CRTAP: variants seen among roughly 807,000 people sequenced by gnomAD.
CRTAP encodes the protein cartilage-associated protein.
Under a neutral mutation model 42.7 loss-of-function variants are expected in CRTAP, and 33 were observed. The observed-to-expected ratio is 0.77, with a 90% CI of 0.59 to 1.03. The LOEUF (loss-of-function observed/expected upper bound fraction) is 1.03, where lower values mean the gene tolerates loss of function less well. CRTAP is among the 50% of genes least tolerant of loss of function. CRTAP has a pLI of 0.00. For missense variants in CRTAP, 613 were observed against 533.9 expected (o/e 1.15, Z -1.46); for synonymous variants, 243 against 217.7 (o/e 1.12, Z -1.02).
intron 5 of CRTAP, among the ~76,000 whole-genome samples, chr3:33,132,904 C>T (rs1388663086): frequency 2.6e-5 from 4 of 152,044 alleles, no homozygotes; most frequent in Non-Finnish European, 2.9e-5. Context: ...ACGGTGAAAC[C>T]CCATCTCTAC....
chr3:33,129,772 T>C (rs1390414928), intron 3 of CRTAP, among the ~76,000 whole-genome samples, 167 bp from the exon 4 acceptor site: 3 of 151,904 alleles, frequency 2.0e-5, no homozygotes, highest in Non-Finnish European at 2.9e-5. Flanking sequence ...CTCCTGACCT[T>C]GTGATTCGCC....
intron 4 of CRTAP, 91 bp from the exon 5 acceptor site, chr3:33,132,464 G>C (rs1024855999): frequency 8.3e-6 from 13 of 1,562,976 alleles, no homozygotes; most frequent in Non-Finnish European, 9.7e-6. Flanking sequence ...TGGAGAAGGG[G>C]CTTGTTCATA....
At chr3:33,122,603 G>A (rs1212956595) in intron 2 of CRTAP, among the ~76,000 whole-genome samples, 4 of 151,228 alleles carry the variant, frequency 2.6e-5, no homozygotes, top group Non-Finnish European at 5.9e-5. Flanking sequence ...TAGCTACTCG[G>A]GAGACTGAGG....
At chr3:33,117,328 A>G (rs932102977) in intron 1 of CRTAP, among the ~76,000 whole-genome samples, 4 of 152,160 alleles carry the variant, frequency 2.6e-5, no homozygotes, top group Admixed American at 1.3e-4. Flanking sequence ...TCACTGGAAT[A>G]GCAATGGTGG....
Position 33,147,307 on chromosome 3 carries a change from T to C in CRTAP, c.*4859T>C, listed in dbSNP as rs928285138. On this transcript the variant is annotated 3_prime_UTR_variant, in exon 7 of 7. Transcript: ENST00000320954. ...CATGACAGCCCGGCTTTGCCTTGAC[T>C]GACCCACTGCTACCCCAGAAATAAG... The C allele has an allele frequency of 2.6e-5, 4 of 152,770 alleles. No individual in the cohort carries two copies. Among genetic ancestry groups the C allele is most frequent in the African/African-American group, 9.6e-5 (4 of 41,458 alleles). The allele number at this position is 152,770 out of a possible 1,614,324, so 9.5% of individuals were successfully genotyped here.
Position 33,131,547 on chromosome 3 carries a change from T to C in CRTAP, c.923-1008T>C, listed in dbSNP as rs570095256. ...CATATCAGAAACTGGCAAAGACTTA[T>C]CAACACTGGTGGACTGAGGCCTCTA... On this transcript the variant is annotated intron_variant, in intron 4 of 6. Coordinates refer to ENST00000320954, the MANE Select transcript of CRTAP (RefSeq NM_006371.5). Among the ~76,000 whole-genome samples the C allele has an allele frequency of 3.9e-5, 6 of 152,236 alleles. No individual in the cohort carries two copies. In the South Asian group the frequency reaches 1.0e-3, roughly 26 times the overall value.
intron 1 of CRTAP, among the ~76,000 whole-genome samples, chr3:33,119,297 G>A (rs150737371): frequency 1.3e-5 from 2 of 152,306 alleles, no homozygotes; most frequent in African/African-American, 4.8e-5. Flanking sequence ...GAGGCACCAG[G>A]AATCCAGATA....
In CRTAP at chr3:33,139,142, TA is replaced by T. The variant is rs915532640; in HGVS notation, c.1153-3242del. Among the ~76,000 whole-genome samples the T allele has an allele frequency of 4.7e-4, 70 of 147,670 alleles. 1 individual carries two copies. Among genetic ancestry groups the T allele is most frequent in the Admixed American group, 8.8e-4 (13 of 14,826 alleles). ...CTGGGTGGCACAGTGAGACACTGTC[TA>T]AAAAAAAAAATTAGCTAAGTATGAT... On this transcript the variant is annotated intron_variant, in intron 6 of 6. Transcript: ENST00000320954.
chr3:33,114,506 G>A lies in CRTAP; in HGVS notation c.429G>A (p.Gln143=), dbSNP rs766390490. The A allele has an allele frequency of 1.2e-6, 2 of 1,603,926 alleles. No individual in the cohort carries two copies. The highest frequency in any genetic ancestry group is 1.7e-6 in the Non-Finnish European group (2 of 1,177,070). Residue 143 remains glutamine (Q), a synonymous_variant, in exon 1 of 7, where the codon CAG becomes CAA. Coordinates refer to ENST00000320954, the MANE Select transcript of CRTAP (RefSeq NM_006371.5). The part of the protein sequence containing the change: ...QPSREVLADF[Q]RREPYKFLQF... ...GCCGCGAGGTGCTGGCGGACTTCCA[G>A]CGCCGCGAGCCCTACAAGTTCCTGC... is the stretch of plus-strand genomic sequence containing the variant.
chr3:33,134,871 G>C (rs1419304907), intron 6 of CRTAP, among the ~76,000 whole-genome samples: 4 of 152,184 alleles, frequency 2.6e-5, no homozygotes, highest in Non-Finnish European at 5.9e-5. Context: ...GGACTTGTCA[G>C]CTATTGGAGC....
At chr3:33,126,134 C>A (rs2030062710) in intron 3 of CRTAP, among the ~76,000 whole-genome samples, 1 of 152,152 alleles carries the variant, frequency 6.6e-6, no homozygotes, top group South Asian at 2.1e-4. Flanking sequence ...TATCCCCTTC[C>A]CCCCAGCCAC....
intron 4 of CRTAP, among the ~76,000 whole-genome samples, chr3:33,131,434 C>T (rs982820161): frequency 6.6e-6 from 1 of 152,152 alleles, no homozygotes; most frequent in African/African-American, 2.4e-5. Context: ...AGCTAGAACA[C>T]TAGGAATTTA....
At chr3:33,141,122 C>T (rs1334226975) in intron 6 of CRTAP, among the ~76,000 whole-genome samples, 1 of 152,188 alleles carries the variant, frequency 6.6e-6, no homozygotes, top group Non-Finnish European at 1.5e-5. Context: ...GGAAGGAGAT[C>T]TGAGTGAGGC....
chr3:33,141,988 A>C (rs1310893126), intron 6 of CRTAP, among the ~76,000 whole-genome samples: 1 of 152,188 alleles, frequency 6.6e-6, no homozygotes, highest in African/African-American at 2.4e-5. Context: ...AAATCAACCC[A>C]GTCCCCTGGT....
At chr3:33,122,730 A>G (rs529633853) in intron 2 of CRTAP, among the ~76,000 whole-genome samples, 5,186 of 118,836 alleles carry the variant, frequency 0.044, 135 homozygotes, top group Non-Finnish European at 0.069. Context: ...AAAAAAAAAA[A>G]AAGAAGAAGA....
chr3:33,145,411 C>CT lies in CRTAP; in HGVS notation c.*2965dup, dbSNP rs1456201245. ...CCCCAATCCCAGCGATGCGTCAGAT[C>CT]TTACGTGGCTTCCTGCTGGGGGAGA... On this transcript the variant is annotated 3_prime_UTR_variant, in exon 7 of 7. Transcript: ENST00000320954. The surrounding 1 kb of genome is among the most constrained non-coding windows in gnomAD (Gnocchi z 4.3). The CT allele has an allele frequency of 6.6e-6, 1 of 152,402 alleles. No individual in the cohort carries two copies. The highest frequency in any genetic ancestry group is 1.9e-4 in the East Asian group (1 of 5,194). The allele number at this position is 152,402 out of a possible 1,614,324, so 9.4% of individuals were successfully genotyped here.
At chr3:33,134,321 C>A in intron 6 of CRTAP, 56 bp downstream of exon 6, 2 of 1,152,360 alleles carry the variant, frequency 1.7e-6, no homozygotes, top group South Asian at 1.2e-5. Flanking sequence ...TTACTCACAT[C>A]TTTGCTAGAA....
chr3:33,136,909 A>G (rs909259355), intron 6 of CRTAP, among the ~76,000 whole-genome samples: 1 of 152,178 alleles, frequency 6.6e-6, no homozygotes, highest in African/African-American at 2.4e-5. Context: ...AAACCATATC[A>G]GGTACATACC....
chr3:33,139,637 C>T (rs1221840034), intron 6 of CRTAP, among the ~76,000 whole-genome samples: 3 of 152,042 alleles, frequency 2.0e-5, no homozygotes, highest in Non-Finnish European at 2.9e-5. Context: ...CCACCACACC[C>T]GGGTAATTTT....
Sources: allele counts gnomAD v4.1 joint callset (sites outside exome capture counted in the v4.1 genomes callset), GRCh38; gene constraint gnomAD v4.1.1; non-coding constraint Gnocchi (gnomAD v3.1); transcripts MANE v1.5; gene names NCBI Gene and HGNC (gene_info 2026-07-23, HGNC 2026-07-21).